MTHFD1L: variants seen among roughly 807,000 people sequenced by gnomAD.
MTHFD1L encodes the protein monofunctional C1-tetrahydrofolate synthase, mitochondrial.
In MTHFD1L, 81 loss-of-function variants were observed where a neutral mutation model predicts 119.5. The ratio of observed to expected loss-of-function variants is 0.68; its 90% CI spans 0.57 to 0.82. The LOEUF (loss-of-function observed/expected upper bound fraction) is 0.82, where lower values mean the gene tolerates loss of function less well. MTHFD1L is among the 40% of genes least tolerant of loss of function. MTHFD1L has a pLI of 0.00. For missense variants in MTHFD1L, 1,125 were observed against 1,253.4 expected, an observed-to-expected ratio of 0.90 and a Z score of 1.55; for synonymous variants, 430 against 475.2, an observed-to-expected ratio of 0.90 and a Z score of 1.24.
In MTHFD1L at chr6:150,885,618, T is replaced by G. The variant is rs759543773; in HGVS notation, c.543-16T>G. The stretch of plus-strand genomic sequence containing the variant: ...CTGGGCTTTGACTTAACCTACTTCT[T>G]TATTTTCTGATTCAGAGTAACAGAC... On this transcript the variant is annotated splice_polypyrimidine_tract_variant and intron_variant, in intron 5 of 27. Coordinates refer to ENST00000367321, the MANE Select transcript of MTHFD1L (RefSeq NM_015440.5). 7 of 1,608,324 alleles carry G rather than the reference T, an allele frequency of 4.4e-6. No individual in the cohort carries two copies. The African/African-American group carries it at 8.0e-5, about 18-fold the overall frequency.
intron 13 of MTHFD1L, among the ~76,000 whole-genome samples, chr6:150,940,355 C>T (rs1168122958): frequency 6.6e-6 from 1 of 152,020 alleles, no homozygotes; most frequent in Non-Finnish European, 1.5e-5. Context: ...AAAGAGTAGT[C>T]CAAGGCACTG....
In MTHFD1L at chr6:151,099,531, C is replaced by T. The variant is rs760068816; in HGVS notation, c.*32-1995C>T. The T allele has an allele frequency of 3.5e-5, 56 of 1,600,564 alleles. No homozygotes were observed. In the African/African-American group the frequency reaches 6.0e-4, roughly 17 times the overall value. ...GCCATCTCCTCCTCGGCATCTTGGC[C>T]GCCCTCAGACCCCTTGTGAAGCCCA... On this transcript the variant is annotated intron_variant, in intron 27 of 27. Coordinates refer to ENST00000367321, the MANE Select transcript of MTHFD1L (RefSeq NM_015440.5).
chr6:150,977,833 A>G (rs1411317392), intron 20 of MTHFD1L, among the ~76,000 whole-genome samples: 1 of 152,040 alleles, frequency 6.6e-6, no homozygotes, highest in Non-Finnish European at 1.5e-5. Context: ...TCCTGGATAG[A>G]CTTCGATCTA....
intron 17 of MTHFD1L, among the ~76,000 whole-genome samples, chr6:150,956,808 A>G (rs1795711426): frequency 6.6e-6 from 1 of 152,206 alleles, no homozygotes; most frequent in African/African-American, 2.4e-5. Flanking sequence ...TACGCCAAAT[A>G]GACTTGTGAC....
chr6:150,941,877 CAA>C (rs1793180722), intron 13 of MTHFD1L, among the ~76,000 whole-genome samples: 1 of 152,028 alleles, frequency 6.6e-6, no homozygotes, highest in South Asian at 2.1e-4. Context: ...GTGAAATGGC[CAA>C]AGAGTTCAAT....
At chr6:151,092,692 C>A (rs2295734) in intron 27 of MTHFD1L, 105 bp downstream of exon 27, 235,152 of 647,802 alleles carry the variant, frequency 0.36, 45,720 homozygotes, top group East Asian at 0.53. Flanking sequence ...CTGATAAATC[C>A]TTTCCTTCCT....
At chr6:150,910,645 T>A (rs530521694) in intron 8 of MTHFD1L, among the ~76,000 whole-genome samples, 1 of 152,266 alleles carries the variant, frequency 6.6e-6, no homozygotes, top group East Asian at 1.9e-4. Flanking sequence ...ATTAATAAGA[T>A]TCCCAATTTC....
intron 11 of MTHFD1L, among the ~76,000 whole-genome samples, chr6:150,932,842 G>GGAA (rs1791368003): frequency 1.4e-5 from 2 of 142,914 alleles, no homozygotes; most frequent in Admixed American, 6.9e-5. Flanking sequence ...AAGGAAGGAA[G>GGAA]GGAGAGAGAG....
chr6:150,948,486 A>AT (rs1562436024), intron 15 of MTHFD1L, among the ~76,000 whole-genome samples: 1 of 148,938 alleles, frequency 6.7e-6, no homozygotes, highest in African/African-American at 2.5e-5. Flanking sequence ...TACCTGGCTA[A>AT]TTTTTTTATG....
At position 151,039,224 on chromosome 6, in the gene MTHFD1L, G is replaced by T. The variant is rs557653712; in HGVS notation, c.2847+2107G>T. Among the ~76,000 whole-genome samples the T allele has an allele frequency of 6.6e-6, 1 of 152,118 alleles. No homozygotes were observed. The highest frequency in any genetic ancestry group is 2.4e-5 in the African/African-American group (1 of 41,420). ...CGTCCAGAAAAATCCCACAGACACC[G>T]CTCGTAGCAGTGTTGGCACAGGGAG... On this transcript the variant is annotated intron_variant, in intron 26 of 27. Transcript: ENST00000367321. This position sits in a 1 kb window ranked among gnomAD's most constrained non-coding sequence, Gnocchi z 4.4.
chr6:151,015,842 T>TG, intron 24 of MTHFD1L, 149 bp downstream of exon 24: 6 of 984,822 alleles, frequency 6.1e-6, no homozygotes, highest in Non-Finnish European at 8.6e-6. Context: ...ATCCCAACAC[T>TG]TTGGGAGGCT....
intron 8 of MTHFD1L, among the ~76,000 whole-genome samples, chr6:150,915,932 G>C (rs1787781144): frequency 6.6e-6 from 1 of 152,206 alleles, no homozygotes; most frequent in Admixed American, 6.5e-5. Flanking sequence ...ATCGCTTAAA[G>C]ATAGAGGATT....
chr6:150,919,102 G>A (rs547109111), intron 9 of MTHFD1L, among the ~76,000 whole-genome samples: 1 of 151,528 alleles, frequency 6.6e-6, no homozygotes, highest in African/African-American at 2.4e-5. Context: ...GACAGAGGTT[G>A]TGGTGAGCTG....
At chr6:150,914,406 C>T (rs181856934) in intron 8 of MTHFD1L, among the ~76,000 whole-genome samples, 8 of 152,162 alleles carry the variant, frequency 5.3e-5, no homozygotes, top group African/African-American at 1.7e-4. Context: ...GCCTACTGTA[C>T]GTAAAAATCA....
Position 151,059,252 on chromosome 6 carries a change from C to G in MTHFD1L, c.2847+22135C>G, listed in dbSNP as rs139919429. Among the ~76,000 whole-genome samples the G allele has an allele frequency of 9.7e-3, 1,482 of 152,238 alleles. 28 individuals carry two copies. Among genetic ancestry groups the G allele is most frequent in the African/African-American group, 0.033 (1,389 of 41,514 alleles). On this transcript the variant is annotated intron_variant, in intron 26 of 27. Coordinates refer to ENST00000367321, the MANE Select transcript of MTHFD1L (RefSeq NM_015440.5). ...TTTAGATGCAGTCTCACTCTTTTCC[C>G]CAGGCTGGGATGCAGTGGCATGATC...
At chr6:150,871,049 AAT>A (rs541250675) in intron 1 of MTHFD1L, among the ~76,000 whole-genome samples, 1 of 145,184 alleles carries the variant, frequency 6.9e-6, no homozygotes, top group African/African-American at 2.5e-5. Flanking sequence ...TATACCTTAT[AAT>A]ATATATACCT....
chr6:150,866,576 C>T (rs1778373466), intron 1 of MTHFD1L: 13 of 1,227,114 alleles, frequency 1.1e-5, no homozygotes, highest in Non-Finnish European at 1.2e-5. Context: ...TCCCCGCGCG[C>T]GGCCCCTCCT....
At chr6:151,085,920 G>T (rs11964356) in intron 26 of MTHFD1L, among the ~76,000 whole-genome samples, 12,227 of 149,912 alleles carry the variant, frequency 0.082, 900 homozygotes, top group African/African-American at 0.19. Context: ...TGGGTGTCCT[G>T]GTAGTAAGCT....
intron 26 of MTHFD1L, among the ~76,000 whole-genome samples, chr6:151,065,389 G>T (rs1791121112): frequency 6.6e-6 from 1 of 152,166 alleles, no homozygotes; most frequent in African/African-American, 2.4e-5. Context: ...TATGCTCGCT[G>T]TGTTTGTCAG....
Sources: allele counts gnomAD v4.1 joint callset (sites outside exome capture counted in the v4.1 genomes callset), GRCh38; gene constraint gnomAD v4.1.1; non-coding constraint Gnocchi (gnomAD v3.1); transcripts MANE v1.5; gene names NCBI Gene and HGNC (gene_info 2026-07-23, HGNC 2026-07-21).